The following ZFAT variants were observed in gnomAD, a reference collection of about 807,000 sequenced individuals.
The protein encoded by ZFAT is zinc finger and AT-hook domain containing.
In ZFAT, 64 loss-of-function variants were observed where a neutral mutation model predicts 117.7. The observed-to-expected ratio is 0.54, with a 90% CI of 0.44 to 0.67. The LOEUF (loss-of-function observed/expected upper bound fraction) is 0.67. Among genes scored for constraint, ZFAT ranks in the 30% least tolerant of loss-of-function variants. The pLI, the probability that ZFAT is intolerant of heterozygous loss-of-function variation, is 0.00. For synonymous variants in ZFAT, 679 were observed against 615.0 expected, an observed-to-expected ratio of 1.10 and a Z score of -1.54; for missense variants, 1,433 against 1,584.5, an observed-to-expected ratio of 0.90 and a Z score of 1.62.
the ZFAT span, among the ~76,000 whole-genome samples, chr8:134,755,817 C>CA: frequency 0.32 from 28,700 of 89,642 alleles, 4,112 homozygotes; most frequent in Non-Finnish European, 0.37. Context: ...GACTCCATCT[C>CA]AAAAAAAAAA....
At chr8:134,573,934 T>C (rs1448373042) in intron 10 of ZFAT, among the ~76,000 whole-genome samples, 2 of 152,274 alleles carry the variant, frequency 1.3e-5, no homozygotes, top group African/African-American at 2.4e-5. Flanking sequence ...ATCTGAGCTC[T>C]GCTCTTTACT....
chr8:134,672,329 G>A (rs1250176753), intron 1 of ZFAT, among the ~76,000 whole-genome samples: 1 of 152,160 alleles, frequency 6.6e-6, no homozygotes, highest in Non-Finnish European at 1.5e-5. Flanking sequence ...AAAGCTGGAG[G>A]CATAAAGCTG....
chr8:134,536,073 G>A (rs1455994822), intron 11 of ZFAT, among the ~76,000 whole-genome samples: 4 of 152,142 alleles, frequency 2.6e-5, no homozygotes, highest in African/African-American at 4.8e-5. Context: ...AGTTCAGCTC[G>A]CTTTCTTCCC....
intron 7 of ZFAT, among the ~76,000 whole-genome samples, chr8:134,591,387 A>C (rs1180759051): frequency 6.6e-6 from 1 of 152,228 alleles, no homozygotes; most frequent in African/African-American, 2.4e-5. Flanking sequence ...AGCCAGGGCC[A>C]CCATGGTGTA....
At chr8:134,512,393 A>G (rs1233318344) in intron 14 of ZFAT, 82 bp downstream of exon 14, 4 of 1,554,354 alleles carry the variant, frequency 2.6e-6, no homozygotes, top group Non-Finnish European at 3.5e-6. Context: ...CCTGATGGAC[A>G]TCATTCATCT....
the ZFAT span, among the ~76,000 whole-genome samples, chr8:134,799,345 G>A: frequency 4.6e-5 from 7 of 151,992 alleles, no homozygotes; most frequent in African/African-American, 1.2e-4. Context: ...CATAATTTTC[G>A]TTTTATACTT....
At chr8:134,792,868 T>C in the ZFAT span, 1 of 152,380 alleles carries the variant, frequency 6.6e-6, no homozygotes, top group African/African-American at 2.4e-5. Flanking sequence ...ATAGCACTTA[T>C]TAATTCATAT....
At chr8:134,728,960 T>C in the ZFAT span, among the ~76,000 whole-genome samples, 1 of 152,332 alleles carries the variant, frequency 6.6e-6, no homozygotes, top group African/African-American at 2.4e-5. Context: ...ATATATGACT[T>C]TTTATTTTCA....
chr8:134,540,210 A>G (rs1822148889), intron 11 of ZFAT, among the ~76,000 whole-genome samples: 1 of 152,184 alleles, frequency 6.6e-6, no homozygotes, highest in Admixed American at 6.5e-5. Flanking sequence ...AGGCAGCCAA[A>G]AGGAGATGGG....
the ZFAT span, among the ~76,000 whole-genome samples, chr8:134,774,933 A>G: frequency 3.3e-5 from 5 of 151,978 alleles, no homozygotes; most frequent in Non-Finnish European, 7.4e-5. Flanking sequence ...CCTGACCAAG[A>G]TGGTGAAACC....
chr8:134,700,484 G>A (rs903143512), intron 1 of ZFAT, among the ~76,000 whole-genome samples: 2 of 152,200 alleles, frequency 1.3e-5, no homozygotes, highest in African/African-American at 4.8e-5. Context: ...CAGAGTGCTG[G>A]CACCTCCAGC....
the ZFAT span, among the ~76,000 whole-genome samples, chr8:134,758,515 G>C: frequency 6.6e-6 from 1 of 152,200 alleles, no homozygotes; most frequent in East Asian, 1.9e-4. Context: ...GGTAGAGGAG[G>C]CTTATTGCCT....
At chr8:134,500,083 C>T (rs1014532677) in intron 15 of ZFAT, among the ~76,000 whole-genome samples, 5 of 152,194 alleles carry the variant, frequency 3.3e-5, no homozygotes, top group Admixed American at 2.0e-4. Context: ...ACAGCTCTGC[C>T]TCACTCCCGT....
chr8:134,504,523 A>C (rs533080147), intron 15 of ZFAT, among the ~76,000 whole-genome samples: 1 of 152,328 alleles, frequency 6.6e-6, no homozygotes, highest in East Asian at 1.9e-4. Flanking sequence ...TGACAGTCTT[A>C]GACAGGCACT....
the ZFAT span, among the ~76,000 whole-genome samples, chr8:134,828,003 G>T: frequency 6.6e-6 from 1 of 152,072 alleles, no homozygotes; most frequent in African/African-American, 2.4e-5. Flanking sequence ...ACAAATATTT[G>T]TAAACTGCAG....
At chr8:134,756,782 G>C in the ZFAT span, among the ~76,000 whole-genome samples, 491 of 152,296 alleles carry the variant, frequency 3.2e-3, 3 homozygotes, top group African/African-American at 0.011. Flanking sequence ...TGCAGGATCC[G>C]GAAAGCTGCC....
At chr8:134,803,609 A>G in the ZFAT span, among the ~76,000 whole-genome samples, 1 of 152,218 alleles carries the variant, frequency 6.6e-6, no homozygotes, top group Non-Finnish European at 1.5e-5. Flanking sequence ...ACAAAAGAGC[A>G]TTTAAAAAAT....
At chr8:134,546,371 C>T (rs1013247168) in intron 11 of ZFAT, among the ~76,000 whole-genome samples, 15 of 152,060 alleles carry the variant, frequency 9.9e-5, no homozygotes, top group Non-Finnish European at 1.3e-4. Context: ...TGAGGAAATG[C>T]GACAGGAAGA....
the ZFAT span, among the ~76,000 whole-genome samples, chr8:134,814,122 C>A: frequency 1.3e-5 from 2 of 152,062 alleles, no homozygotes; most frequent in Non-Finnish European, 2.9e-5. Context: ...CCATTTTTCC[C>A]TAATTATAGT....
Sources: gnomAD v4.1 joint callset for allele counts (sites outside exome capture counted in the v4.1 genomes callset) on GRCh38, gnomAD v4.1.1 for gene constraint, MANE v1.5 for transcripts, NCBI Gene and HGNC (gene_info 2026-07-23, HGNC 2026-07-21) for gene names.